The following MSR1 variants were observed in gnomAD, a reference collection of about 807,000 sequenced individuals.
MSR1 encodes macrophage scavenger receptor types I and II.
MSR1 carries 53 observed loss-of-function variants against 47.2 expected under a neutral mutation model. That is an observed-to-expected ratio of 1.12 (90% CI 0.90 to 1.41). The LOEUF (loss-of-function observed/expected upper bound fraction) is 1.41. Ranked by LOEUF, MSR1 falls within the 40% of genes most tolerant of loss-of-function variation. The pLI is 0.00. For synonymous variants in MSR1, 239 were observed against 185.6 expected, an observed-to-expected ratio of 1.29 and a Z score of -2.34; for missense variants, 786 against 546.9, an observed-to-expected ratio of 1.44 and a Z score of -4.36.
At chr8:16,124,669 A>G (rs1411987848) in intron 8 of MSR1, among the ~76,000 whole-genome samples, 1 of 152,076 alleles carries the variant, frequency 6.6e-6, no homozygotes, top group Non-Finnish European at 1.5e-5. Flanking sequence ...TGGTTACTCA[A>G]TAGCACTATT....
At chr8:16,119,650 G>A (rs928412929) in intron 9 of MSR1, among the ~76,000 whole-genome samples, 25 of 152,014 alleles carry the variant, frequency 1.6e-4, no homozygotes, top group Admixed American at 1.6e-3. Context: ...TAGCATATTA[G>A]CACTTGGTAA....
chr8:16,139,631 T>C, intron 8 of MSR1: 1 of 973,848 alleles, frequency 1.0e-6, no homozygotes, highest in Non-Finnish European at 1.2e-6. Flanking sequence ...AATATTGGTA[T>C]TCTTTTTCAT....
rs377134001 is a variant in MSR1, at chr8:16,168,546, A to C, written c.542T>G (p.Ile181Arg). The C allele has an allele frequency of 1.9e-6, 3 of 1,614,028 alleles. No homozygotes were observed. The highest frequency in any genetic ancestry group is 2.7e-5 in the African/African-American group (2 of 74,936). ...NAIDEISKSL[I>R]SLNTTLLDLQ... is the part of the protein sequence containing the mutation. The stretch of plus-strand genomic sequence containing the variant: ...ATCAAGCAATGTGGTATTCAAACTT[A>C]TTAAGGACTTGGAGATTTCATCTAT... The change falls in exon 4 of 10, where the codon ATA becomes AGA. Residue 181 changes from isoleucine (I) to arginine (R), a missense_variant. Physicochemically the swap from Ile to Arg is moderately conservative, Grantham distance 97 (BLOSUM62 -3). Transcript: ENST00000262101.
chr8:16,117,906 T>C (rs1260800379), intron 9 of MSR1, among the ~76,000 whole-genome samples: 1 of 152,142 alleles, frequency 6.6e-6, no homozygotes, highest in African/African-American at 2.4e-5. Flanking sequence ...ATAGAAATAA[T>C]GTGCACAATA....
intron 3 of MSR1, among the ~76,000 whole-genome samples, chr8:16,171,462 T>C: frequency 6.6e-6 from 1 of 152,148 alleles, no homozygotes; most frequent in Non-Finnish European, 1.5e-5. Flanking sequence ...ACTCTACATG[T>C]CTTAACGTAT....
chr8:16,141,232 A>G, intron 8 of MSR1: 1 of 636,072 alleles, frequency 1.6e-6, no homozygotes, highest in Non-Finnish European at 2.7e-6. Context: ...GCCATTTACA[A>G]TAATTCATCA....
chr8:16,165,146 C>T (rs185471286), intron 4 of MSR1, among the ~76,000 whole-genome samples: 13 of 152,064 alleles, frequency 8.5e-5, no homozygotes, highest in Admixed American at 7.9e-4. Flanking sequence ...AGAACATCTT[C>T]CTGAAGTGGA....
In MSR1 at chr8:16,120,616, T is replaced by TA. The variant is rs60866666; in HGVS notation, c.1034-11dup. 11,710 of 1,189,224 alleles carry TA rather than the reference T, an allele frequency of 9.8e-3. 121 individuals carry two copies. The highest frequency in any genetic ancestry group is 0.074 in the African/African-American group (2,822 of 38,224). 73.7% of individuals were successfully genotyped at this position (1,189,224 alleles called of 1,614,324 possible). Reference sequence around the variant, plus strand: ...ACTTTCGTAAATGGAGCTGTAAAGTTAAAAAAAAAAAAAAAAAAAAAAAAA... The same window carrying TA: ...ACTTTCGTAAATGGAGCTGTAAAGTTAAAAAAAAAAAAAAAAAAAAAAAAAA... On this transcript the variant is annotated splice_polypyrimidine_tract_variant and intron_variant, in intron 8 of 9. Coordinates refer to ENST00000262101, the MANE Select transcript of MSR1 (RefSeq NM_138715.3).
At chr8:16,124,677 A>G (rs1462656517) in intron 8 of MSR1, among the ~76,000 whole-genome samples, 2 of 152,118 alleles carry the variant, frequency 1.3e-5, no homozygotes, top group African/African-American at 4.8e-5. Flanking sequence ...CAATAGCACT[A>G]TTACAGATGC....
chr8:16,110,706 AT>A (rs1257215225), intron 9 of MSR1, among the ~76,000 whole-genome samples: 1 of 152,094 alleles, frequency 6.6e-6, no homozygotes, highest in Admixed American at 6.6e-5. Flanking sequence ...GTGTATTTCA[AT>A]TTATGTGTGC....
At chr8:16,113,706 A>AG (rs1441537295) in intron 9 of MSR1, among the ~76,000 whole-genome samples, 1 of 152,144 alleles carries the variant, frequency 6.6e-6, no homozygotes, top group African/African-American at 2.4e-5. Context: ...TAAAGGAGTA[A>AG]GGCTAACATA....
At chr8:16,184,985 G>A (rs1279874932) in intron 1 of MSR1, among the ~76,000 whole-genome samples, 1 of 152,044 alleles carries the variant, frequency 6.6e-6, no homozygotes. Context: ...GACAGGTGTA[G>A]TGGGCCAGAA....
chr8:16,181,058 C>T (rs1461845640), intron 1 of MSR1, among the ~76,000 whole-genome samples: 1 of 152,032 alleles, frequency 6.6e-6, no homozygotes, highest in East Asian at 1.9e-4. Flanking sequence ...CTATTTCCTC[C>T]CTTTATTAGA....
At position 16,168,453 on chromosome 8, in the gene MSR1, C is replaced by T; in HGVS notation, c.630+5G>A. 1 of 1,614,040 alleles carries T rather than the reference C, an allele frequency of 6.2e-7. No individual in the cohort carries two copies. The highest frequency in any genetic ancestry group is 8.5e-7 in the Non-Finnish European group (1 of 1,179,974). The stretch of plus-strand genomic sequence containing the variant: ...CAAGTGACCTTGCAGTCCACAAACT[C>T]TTACCTCTTGTTGTTTGAAGGTATT... On this transcript the variant is annotated splice_donor_5th_base_variant and intron_variant, in intron 4 of 9. Coordinates refer to ENST00000262101, the MANE Select transcript of MSR1 (RefSeq NM_138715.3).
At chr8:16,189,209 A>G (rs951038437) in intron 1 of MSR1, among the ~76,000 whole-genome samples, 6 of 140,136 alleles carry the variant, frequency 4.3e-5, no homozygotes, top group Non-Finnish European at 9.1e-5. Context: ...TATTTTATAT[A>G]TATTTCATAT....
intron 9 of MSR1, among the ~76,000 whole-genome samples, chr8:16,117,113 C>G (rs1246508699): frequency 1.3e-5 from 2 of 152,172 alleles, no homozygotes; most frequent in Admixed American, 1.3e-4. Flanking sequence ...CAAAGCTGCA[C>G]AGCAGGAGGT....
intron 1 of MSR1, among the ~76,000 whole-genome samples, chr8:16,180,823 C>T (rs1028333826): frequency 1.3e-5 from 2 of 152,072 alleles, no homozygotes; most frequent in East Asian, 1.9e-4. Flanking sequence ...TTGCATATTC[C>T]TCCTTTCTGA....
intron 5 of MSR1, among the ~76,000 whole-genome samples, chr8:16,162,554 G>T (rs1801191262): frequency 6.6e-6 from 1 of 151,980 alleles, no homozygotes; most frequent in Non-Finnish European, 1.5e-5. Flanking sequence ...TACCAAGATG[G>T]TTGTAGATAA....
At chr8:16,139,941 C>A (rs1021128889) in intron 8 of MSR1, 2 of 393,928 alleles carry the variant, frequency 5.1e-6, no homozygotes, top group African/African-American at 2.3e-5. Context: ...CCCTGTTCCT[C>A]CCCCAGTATA....
Sources: gnomAD v4.1 joint callset for allele counts (sites outside exome capture counted in the v4.1 genomes callset) on GRCh38, gnomAD v4.1.1 for gene constraint, MANE v1.5 for transcripts, NCBI Gene and HGNC (gene_info 2026-07-23, HGNC 2026-07-21) for gene names.